DACH2: variants seen among roughly 807,000 people sequenced by gnomAD.
DACH2 encodes the protein dachshund homolog 2.
In DACH2, 17 loss-of-function variants were observed where a neutral mutation model predicts 35.8. That is an observed-to-expected ratio of 0.48 (90% CI 0.33 to 0.71). DACH2 has a LOEUF of 0.71. Among genes scored for constraint, DACH2 ranks in the 30% least tolerant of loss-of-function variants. DACH2 has a pLI of 0.02. For missense variants in DACH2, 469 were observed against 472.7 expected (o/e 0.99, Z 0.07); for synonymous variants, 195 against 177.3 (o/e 1.10, Z -0.79).
chrX:86,423,207 T>C (rs1438630394), intron 2 of DACH2, among the ~76,000 whole-genome samples: 1 of 111,162 alleles, frequency 9.0e-6, no homozygotes, highest in Non-Finnish European at 1.9e-5. Context: ...TGCGGAATAA[T>C]ATGGTAGCTC....
At chrX:86,240,393 G>C (rs1032571178) in intron 1 of DACH2, among the ~76,000 whole-genome samples, 1 of 109,271 alleles carries the variant, frequency 9.2e-6, no homozygotes, top group Non-Finnish European at 1.9e-5. Context: ...TTTTGCAATT[G>C]AATGCAAGAA....
intron 6 of DACH2, 144 bp downstream of exon 6, chrX:86,714,864 T>A: frequency 2.2e-6 from 1 of 455,421 alleles, no homozygotes; most frequent in Admixed American, 4.7e-5. Flanking sequence ...GTTTAGTTTG[T>A]GACTAGGCCT....
intron 3 of DACH2, among the ~76,000 whole-genome samples, chrX:86,594,644 T>C (rs2039690403): frequency 8.9e-6 from 1 of 112,147 alleles, no homozygotes; most frequent in Admixed American, 9.5e-5. Flanking sequence ...TTTTTTGTTA[T>C]TGATTTCTAG....
At chrX:86,461,637 CA>C (rs1401153028) in intron 2 of DACH2, among the ~76,000 whole-genome samples, 2 of 110,992 alleles carry the variant, frequency 1.8e-5, no homozygotes, top group African/African-American at 6.5e-5. Context: ...GTTTATTTAA[CA>C]AAGTGTCATT....
intron 2 of DACH2, among the ~76,000 whole-genome samples, chrX:86,400,251 T>C (rs2036397567): frequency 9.0e-6 from 1 of 111,697 alleles, no homozygotes; most frequent in Non-Finnish European, 1.9e-5. Context: ...TAAGGACTTC[T>C]CTACATTGGT....
chrX:86,600,040 T>C (rs948116135), intron 3 of DACH2, among the ~76,000 whole-genome samples: 1 of 111,258 alleles, frequency 9.0e-6, no homozygotes, highest in East Asian at 2.9e-4. Context: ...TTGTGTCTTT[T>C]AGGAGATATT....
At chrX:86,469,626 A>T (rs2037730546) in intron 2 of DACH2, among the ~76,000 whole-genome samples, 2 of 111,140 alleles carry the variant, frequency 1.8e-5, no homozygotes, top group African/African-American at 6.5e-5. Flanking sequence ...TTACATGAAG[A>T]CATATTTTAG....
At chrX:86,549,357 G>A (rs1259626371) in intron 3 of DACH2, among the ~76,000 whole-genome samples, 1 of 110,865 alleles carries the variant, frequency 9.0e-6, no homozygotes, top group African/African-American at 3.3e-5. Flanking sequence ...GATCCATAAG[G>A]CCATTATCAA....
chrX:86,741,735 G>T (rs1166195460), intron 7 of DACH2, among the ~76,000 whole-genome samples: 1 of 111,340 alleles, frequency 9.0e-6, no homozygotes, highest in Non-Finnish European at 1.9e-5. Flanking sequence ...CATTCATATT[G>T]ATGAGGGTGG....
chrX:86,397,594 G>A (rs1179803623), intron 2 of DACH2, among the ~76,000 whole-genome samples: 2 of 111,741 alleles, frequency 1.8e-5, no homozygotes, highest in East Asian at 2.8e-4. Context: ...AGAGTGTTTA[G>A]CATGAAGGGT....
intron 3 of DACH2, among the ~76,000 whole-genome samples, chrX:86,584,077 GAA>G (rs754052838): frequency 1.4e-3 from 159 of 110,282 alleles, no homozygotes; most frequent in African/African-American, 4.9e-3. Context: ...TTTGTTTTTT[GAA>G]AAGTTTTCAA....
rs906200402 is a variant in DACH2, at chrX:86,611,355, C to T, written c.641-39681C>T. On this transcript the variant is annotated intron_variant, in intron 3 of 11. Coordinates refer to ENST00000373125, the MANE Select transcript of DACH2 (RefSeq NM_053281.3). ...CAGGAGCAAGGGATCTCTTTTGGAG[C>T]TGCAAGCTGTGCCACCTGGGGTTGG... Among the ~76,000 whole-genome samples the T allele has an allele frequency of 3.6e-5, 4 of 109,744 alleles. No individual in the cohort carries two copies. In the Admixed American group the frequency reaches 3.9e-4, roughly 11 times the overall value.
intron 4 of DACH2, among the ~76,000 whole-genome samples, chrX:86,664,196 G>C (rs2040640400): frequency 8.9e-6 from 1 of 111,794 alleles, no homozygotes; most frequent in South Asian, 3.7e-4. Context: ...ATAAAACACT[G>C]AGCAAAGAAC....
At chrX:86,278,700 A>C (rs772582676) in intron 1 of DACH2, among the ~76,000 whole-genome samples, 112 of 111,829 alleles carry the variant, frequency 1.0e-3, no homozygotes, top group African/African-American at 3.0e-3. Flanking sequence ...AGAACTGTTC[A>C]TTCCCCTGGA....
intron 2 of DACH2, among the ~76,000 whole-genome samples, chrX:86,503,055 G>A (rs2038273702): frequency 1.8e-5 from 2 of 111,843 alleles, no homozygotes; most frequent in Non-Finnish European, 3.8e-5. Context: ...CTAAAGTCAT[G>A]ACACAAAATA....
intron 3 of DACH2, among the ~76,000 whole-genome samples, chrX:86,616,846 T>C (rs758495363): frequency 8.9e-6 from 1 of 112,260 alleles, no homozygotes; most frequent in Non-Finnish European, 1.9e-5. Context: ...CCTATTTCTA[T>C]GTCCACAATG....
At chrX:86,569,904 C>T (rs1021999716) in intron 3 of DACH2, among the ~76,000 whole-genome samples, 1 of 111,243 alleles carries the variant, frequency 9.0e-6, no homozygotes, top group African/African-American at 3.3e-5. Flanking sequence ...AAAAGAAACC[C>T]AAACCCATTA....
chrX:86,707,248 T>G (rs1378758775), intron 5 of DACH2, among the ~76,000 whole-genome samples: 1 of 111,605 alleles, frequency 9.0e-6, no homozygotes, highest in Non-Finnish European at 1.9e-5. Flanking sequence ...ATTACTCAAT[T>G]TTTTGAAAGA....
intron 2 of DACH2, among the ~76,000 whole-genome samples, chrX:86,444,235 A>G (rs1450172130): frequency 9.0e-6 from 1 of 111,400 alleles, no homozygotes; most frequent in Non-Finnish European, 1.9e-5. Flanking sequence ...ACAGGCACAC[A>G]CCACGATAAC....
Sources: gnomAD v4.1 joint callset for allele counts (sites outside exome capture counted in the v4.1 genomes callset) on GRCh38, gnomAD v4.1.1 for gene constraint, MANE v1.5 for transcripts, NCBI Gene and HGNC (gene_info 2026-07-23, HGNC 2026-07-21) for gene names.